The following SRP54 variants were observed in gnomAD, a reference collection of about 807,000 sequenced individuals.
The protein encoded by SRP54 is signal recognition particle 54.
SRP54 carries 10 observed loss-of-function variants against 64.8 expected under a neutral mutation model. The ratio of observed to expected loss-of-function variants is 0.15; its 90% CI spans 0.10 to 0.26. The LOEUF is 0.26. SRP54 is among the 10% of genes least tolerant of loss of function. The pLI is 1.00. For missense variants in SRP54, 325 were observed against 613.7 expected (o/e 0.53, Z 4.97); for synonymous variants, 193 against 185.6 (o/e 1.04, Z -0.32).
intron 1 of SRP54, among the ~76,000 whole-genome samples, chr14:34,995,180 TGTGTGTGTAGAG>T (rs1419989924): frequency 4.4e-5 from 5 of 113,382 alleles, no homozygotes; most frequent in Admixed American, 9.1e-5. Flanking sequence ...TGTGTGTGTG[TGTGTGTGTAGAG>T]AGAGAGAGGG....
chr14:34,993,379 A>G (rs2138968539), intron 1 of SRP54: 1 of 152,330 alleles, frequency 6.6e-6, no homozygotes, highest in South Asian at 2.1e-4. Flanking sequence ...AAAGTCCTGG[A>G]TCTTTTCCAT....
chr14:35,014,163 A>G (rs1264501044), intron 10 of SRP54, among the ~76,000 whole-genome samples: 1 of 152,106 alleles, frequency 6.6e-6, no homozygotes, highest in Non-Finnish European at 1.5e-5. Flanking sequence ...AGTGGATGTA[A>G]GGGCAGTAAT....
chr14:34,992,664 G>A (rs12050404), intron 1 of SRP54, among the ~76,000 whole-genome samples: 29,537 of 151,968 alleles, frequency 0.19, 3,126 homozygotes, highest in East Asian at 0.38. Context: ...AGAAGACTGA[G>A]GATTGAAAAA....
intron 4 of SRP54, among the ~76,000 whole-genome samples, chr14:35,006,491 A>G (rs925412649): frequency 2.0e-5 from 3 of 152,230 alleles, no homozygotes; most frequent in African/African-American, 7.2e-5. Context: ...ATGGGAAAAG[A>G]AATGTAAAAT....
intron 1 of SRP54, among the ~76,000 whole-genome samples, chr14:34,994,018 G>A (rs1005387221): frequency 6.7e-6 from 1 of 149,896 alleles, no homozygotes; most frequent in Non-Finnish European, 1.5e-5. Context: ...TTTTAATACG[G>A]ACTTTCTCTC....
intron 10 of SRP54, 79 bp from the exon 11 acceptor site, chr14:35,014,665 T>C (rs1177365802): frequency 4.7e-6 from 5 of 1,058,148 alleles, no homozygotes; most frequent in Non-Finnish European, 7.2e-6. Flanking sequence ...ACAAGGTTAT[T>C]ATGTATGTGA....
intron 1 of SRP54, among the ~76,000 whole-genome samples, chr14:34,990,630 TCTTGAGAGTGTA>T (rs150823881): frequency 0.046 from 6,950 of 152,288 alleles, 400 homozygotes; most frequent in Admixed American, 0.17. Flanking sequence ...GGCAAGAGAA[TCTTGAGAGTGTA>T]CTTGAATTGT....
At chr14:35,023,284 T>G (rs1379841910) in intron 14 of SRP54, among the ~76,000 whole-genome samples, 1 of 151,804 alleles carries the variant, frequency 6.6e-6, no homozygotes, top group Non-Finnish European at 1.5e-5. Flanking sequence ...CTGTGTAGTG[T>G]GGGTAAATGA....
At chr14:34,995,812 C>T (rs532160425) in intron 1 of SRP54, among the ~76,000 whole-genome samples, 1 of 152,170 alleles carries the variant, frequency 6.6e-6, no homozygotes, top group East Asian at 1.9e-4. Flanking sequence ...AAATCATTAT[C>T]CTATTTTAGA....
intron 1 of SRP54, among the ~76,000 whole-genome samples, chr14:34,994,208 A>G (rs1159676496): frequency 6.6e-6 from 1 of 151,720 alleles, no homozygotes; most frequent in Non-Finnish European, 1.5e-5. Flanking sequence ...CATGTTGGCC[A>G]GGCTGGTCTC....
At chr14:35,012,423 C>T (rs1180279446) in intron 8 of SRP54, among the ~76,000 whole-genome samples, 3 of 152,048 alleles carry the variant, frequency 2.0e-5, no homozygotes, top group Non-Finnish European at 4.4e-5. Context: ...TAGGAACCCA[C>T]GTCTTGACAT....
chr14:34,987,775 G>T (rs186549434), intron 1 of SRP54, among the ~76,000 whole-genome samples: 5 of 152,094 alleles, frequency 3.3e-5, no homozygotes, highest in Non-Finnish European at 7.3e-5. Context: ...ATCTTATTAA[G>T]ATTTTGATTT....
chr14:35,013,330 T>C lies in SRP54; in HGVS notation c.637-16T>C. On this transcript the variant is annotated splice_polypyrimidine_tract_variant and intron_variant, in intron 8 of 15. Transcript: ENST00000216774. ...AAAATCTTTTCTAAAGTATCTTTTC[T>C]ATTTAAACTTTCTAGCAACCTGATA... 1.2e-6 allele frequency: 2 copies of C among 1,608,170 alleles called. No individual in the cohort carries two copies. Among genetic ancestry groups the C allele is most frequent in the Non-Finnish European group, 1.7e-6 (2 of 1,177,392 alleles).
In SRP54 at chr14:35,013,452, C is replaced by T; in HGVS notation, c.743C>T (p.Thr248Ile). Residue 248 changes from threonine to isoleucine, a missense_variant, in exon 9 of 16, where the codon ACA (threonine) becomes ATA (isoleucine). Physicochemically the swap from Thr to Ile is moderately conservative, Grantham distance 89. Coordinates refer to ENST00000216774, the MANE Select transcript of SRP54 (RefSeq NM_003136.4). The stretch of plus-strand genomic sequence containing the variant: ...GTAGATGTAGCCTCAGTAATAGTGA[C>T]AAAACTTGATGGCCATGCAAAAGGA... Reference protein sequence around the residue: ...DKVDVASVIVTKLDGHAKGGG... With the variant: ...DKVDVASVIVIKLDGHAKGGG... The T allele has an allele frequency of 6.2e-7, 1 of 1,614,140 alleles. No homozygotes were observed. The highest frequency in any genetic ancestry group is 8.5e-7 in the Non-Finnish European group (1 of 1,180,024).
chr14:35,021,491 G>T (rs551166302), intron 13 of SRP54, among the ~76,000 whole-genome samples: 1 of 152,202 alleles, frequency 6.6e-6, no homozygotes, highest in African/African-American at 2.4e-5. Flanking sequence ...AAATTAGCTG[G>T]CTGTGGTGGC....
chr14:35,018,473 A>G (rs2044477588), intron 11 of SRP54, among the ~76,000 whole-genome samples: 1 of 152,198 alleles, frequency 6.6e-6, no homozygotes, highest in Non-Finnish European at 1.5e-5. Flanking sequence ...CTTCTCAGAT[A>G]GAATGTAAGC....
At chr14:35,005,697 G>A (rs1201775683) in intron 4 of SRP54, among the ~76,000 whole-genome samples, 1 of 152,128 alleles carries the variant, frequency 6.6e-6, no homozygotes, top group Non-Finnish European at 1.5e-5. Flanking sequence ...ACCACACCCA[G>A]CCTCCATTGA....
chr14:34,992,198 G>T (rs934163546), intron 1 of SRP54, among the ~76,000 whole-genome samples: 1 of 152,194 alleles, frequency 6.6e-6, no homozygotes, highest in African/African-American at 2.4e-5. Context: ...CTCCCAAAGT[G>T]CTGGGATTAC....
intron 14 of SRP54, among the ~76,000 whole-genome samples, chr14:35,023,787 AACACACACACACAC>A (rs57037784): frequency 3.1e-4 from 43 of 140,370 alleles, no homozygotes; most frequent in South Asian, 7.1e-4. Flanking sequence ...CCGGTCCCCA[AACACACACACACAC>A]ACACACACAC....
Sources: allele counts gnomAD v4.1 joint callset (sites outside exome capture counted in the v4.1 genomes callset), GRCh38; gene constraint gnomAD v4.1.1; transcripts MANE v1.5; gene names NCBI Gene and HGNC (gene_info 2026-07-23, HGNC 2026-07-21).